The following KIAA1614 variants were observed in gnomAD, a reference collection of about 807,000 sequenced individuals.
KIAA1614 encodes KIAA1614.
Under a neutral mutation model 88.7 loss-of-function variants are expected in KIAA1614, and 76 were observed. The ratio of observed to expected loss-of-function variants is 0.86; its 90% confidence interval spans 0.71 to 1.04. KIAA1614 has a LOEUF of 1.04. KIAA1614 is among the 50% of genes least tolerant of loss of function. KIAA1614 has a pLI of 0.00. For missense variants in KIAA1614, 1,553 were observed against 1,582.5 expected, an observed-to-expected ratio of 0.98 and a Z score of 0.32; for synonymous variants, 714 against 675.5, an observed-to-expected ratio of 1.06 and a Z score of -0.88.
chr1:180,931,147 C>T lies in KIAA1614; in HGVS notation c.1205+2574C>T, dbSNP rs558072791. On this transcript the variant is annotated intron_variant, in intron 4 of 8. Transcript: ENST00000367588. ...GCATTTTTCTGGAAACAAATTAATA[C>T]AGAAATGGAGCAGCTCCTGGAAGCA... 2.0e-5 allele frequency among the ~76,000 whole-genome samples: 3 copies of T among 152,314 alleles called. No homozygotes were observed. The South Asian group carries it at 6.2e-4, about 32-fold the overall frequency.
intron 4 of KIAA1614, among the ~76,000 whole-genome samples, chr1:180,933,697 C>A (rs969815226): frequency 1.3e-5 from 2 of 152,140 alleles, no homozygotes; most frequent in Admixed American, 1.3e-4. Flanking sequence ...CGGAACTGAG[C>A]AGGACTTGAC....
rs1335680929 is a variant in KIAA1614 at position 180,950,221 on chromosome 1, G to C, written c.*4633G>C. ...TGTGCATGCGCACAGAGAAGTGCCT[G>C]GTATGAGCACCTCCTCCCTGTGCCA... On this transcript the variant is annotated 3_prime_UTR_variant, in exon 9 of 9. Transcript: ENST00000367588. 3.7e-6 allele frequency: 2 copies of C among 533,978 alleles called. No individual in the cohort carries two copies. Among genetic ancestry groups the C allele is most frequent in the African/African-American group, 2.1e-5 (1 of 47,812 alleles). The allele number at this position is 533,978 out of a possible 1,614,324, so 33.1% of individuals were successfully genotyped here. A position where few individuals can be genotyped will look rare whatever the true frequency, so the allele number is the denominator to read the frequency against.
chr1:180,948,173 C>G lies in KIAA1614; in HGVS notation c.*2585C>G, dbSNP rs938317918. 6.6e-6 allele frequency: 1 copy of G among 152,296 alleles called. No homozygotes were observed. Among genetic ancestry groups the G allele is most frequent in the African/African-American group, 2.4e-5 (1 of 41,476 alleles). The allele number at this position is 152,296 out of a possible 1,614,324, so 9.4% of individuals were successfully genotyped here. A position where few individuals can be genotyped will look rare whatever the true frequency, so the allele number is the denominator to read the frequency against. On this transcript the variant is annotated 3_prime_UTR_variant, in exon 9 of 9. Coordinates refer to ENST00000367588, the MANE Select transcript of KIAA1614 (RefSeq NM_020950.2). ...GCTGGATGGCACACAGGGGTCCCCA[C>G]GCACATGAAGCCTGGCGAGTGCTGG... is the stretch of plus-strand genomic sequence containing the variant.
At chr1:180,924,305 AG>A (rs750559251) in intron 3 of KIAA1614, among the ~76,000 whole-genome samples, 15 of 152,200 alleles carry the variant, frequency 9.9e-5, no homozygotes, top group Non-Finnish European at 1.9e-4. Flanking sequence ...CCCCCATCGG[AG>A]GGCATCTCGG....
chr1:180,936,340 C>T lies in KIAA1614; in HGVS notation c.2431C>T (p.Pro811Ser). 2.5e-6 allele frequency: 4 copies of T among 1,614,144 alleles called. No individual in the cohort carries two copies. The highest frequency in any genetic ancestry group is 2.2e-5 in the South Asian group (2 of 91,088). Residue 811 changes from proline (P) to serine (S), a missense_variant, in exon 5 of 9, where the codon CCC becomes TCC. Pro to Ser is a moderately conservative substitution (Grantham distance 74, BLOSUM62 -1). Transcript: ENST00000367588. ...TCCTGAAGGCTGGGCGCCAACCCCT[C>T]CCCCTTCGAGGAAAACCACCTCGCC... ...LCPEGWAPTP[P>S]PSRKTTSPVS...
At chr1:180,943,208 G>GTA (rs1416877988) in intron 7 of KIAA1614, among the ~76,000 whole-genome samples, 2 of 152,076 alleles carry the variant, frequency 1.3e-5, no homozygotes, top group African/African-American at 4.8e-5. Context: ...TATATTTTTA[G>GTA]TAGAGATGGG....
rs373695931 is a variant in KIAA1614, at chr1:180,935,538, C to T, written c.1629C>T (p.Ile543=). ...ERRCQACGSC[I]DDPRPAQGKA... is the part of the protein sequence containing the mutation. The stretch of plus-strand genomic sequence containing the variant: ...GGTGCCAGGCCTGCGGCAGCTGCAT[C>T]GACGACCCGCGCCCCGCCCAGGGGA... Residue 543 remains isoleucine, a synonymous_variant, in exon 5 of 9, where the codon ATC becomes ATT. Transcript: ENST00000367588. The surrounding 1 kb of genome is among the most constrained non-coding windows in gnomAD (Gnocchi z 6.1). The T allele has an allele frequency of 2.5e-6, 4 of 1,572,604 alleles. No individual in the cohort carries two copies. The highest frequency in any genetic ancestry group is 3.4e-4 in the Middle Eastern group (2 of 5,854).
At position 180,944,534 on chromosome 1, in the gene KIAA1614, G is replaced by A; in HGVS notation, c.3287+18G>A. The A allele has an allele frequency of 6.2e-7, 1 of 1,610,592 alleles. No individual in the cohort carries two copies. Among genetic ancestry groups the A allele is most frequent in the Non-Finnish European group, 8.5e-7 (1 of 1,178,108 alleles). ...GCTGGCAGGTATGAGGGGCACACAT[G>A]GTTTGGAGGATAAACTCAGAGAGTG... On this transcript the variant is annotated intron_variant, in intron 8 of 8. Transcript: ENST00000367588.
chr1:180,914,079 G>T (rs1653721750), intron 1 of KIAA1614: 1 of 151,952 alleles, frequency 6.6e-6, no homozygotes, highest in Non-Finnish European at 1.5e-5. Context: ...GTGAATACTT[G>T]GTCCGTGTTA....
At chr1:180,945,214 G>A (rs1654561963) in intron 8 of KIAA1614, 89 bp from the exon 9 acceptor site, 2 of 1,405,536 alleles carry the variant, frequency 1.4e-6, no homozygotes, top group African/African-American at 1.5e-5. Flanking sequence ...TCTTAAGTCT[G>A]TGAGGCATCG....
intron 3 of KIAA1614, chr1:180,928,229 G>A (rs971673733): frequency 3.1e-5 from 18 of 578,482 alleles, no homozygotes; most frequent in Middle Eastern, 9.0e-4. Flanking sequence ...CCAGAGCCAC[G>A]CAGGGCCATT....
At position 180,916,901 on chromosome 1, in the gene KIAA1614, C is replaced by G. The variant is rs371479908; in HGVS notation, c.798C>G (p.Val266=). 6.2e-7 allele frequency: 1 copy of G among 1,614,232 alleles called. No individual in the cohort carries two copies. Among genetic ancestry groups the G allele is most frequent in the Non-Finnish European group, 8.5e-7 (1 of 1,180,044 alleles). The change falls in exon 2 of 9, where the codon GTC becomes GTG. Residue 266 remains valine, a synonymous_variant. Transcript: ENST00000367588. ...CCCTGACCTCCGAGGAGGTCTTTGTCCCCAGGACGGCCCTGCTGGGTGAGC... is the reference window on the plus strand; with the variant it reads ...CCCTGACCTCCGAGGAGGTCTTTGTGCCCAGGACGGCCCTGCTGGGTGAGC... ...STSLTSEEVF[V]PRTALLGERW... is the part of the protein sequence containing the mutation.
rs552703886 is a variant in KIAA1614, at chr1:180,949,425, G to T, written c.*3837G>T. 12 of 152,488 alleles carry T rather than the reference G, an allele frequency of 7.9e-5. No individual in the cohort carries two copies. The highest frequency in any genetic ancestry group is 3.4e-3 in the Middle Eastern group (1 of 294). 9.4% of individuals were successfully genotyped at this position (152,488 alleles called of 1,614,324 possible). Reference sequence around the variant, plus strand: ...GGTGGGAGCAGCTGGAGGGGAATTTGAAAGGTTTCCAGCCGCGGTTGAGGC... The same window carrying T: ...GGTGGGAGCAGCTGGAGGGGAATTTTAAAGGTTTCCAGCCGCGGTTGAGGC... On this transcript the variant is annotated 3_prime_UTR_variant, in exon 9 of 9. Transcript: ENST00000367588.
chr1:180,915,141 G>A (rs1446862364), intron 1 of KIAA1614, among the ~76,000 whole-genome samples: 1 of 152,214 alleles, frequency 6.6e-6, no homozygotes, highest in African/African-American at 2.4e-5. Context: ...TTATTGGGGG[G>A]AGTGTGTTTG....
chr1:180,941,003 C>CCGGG, intron 6 of KIAA1614, 42 bp from the exon 7 acceptor site: 1 of 932,546 alleles, frequency 1.1e-6, no homozygotes, highest in Non-Finnish European at 1.5e-6. Context: ...GGCCACCCTC[C>CCGGG]CGGCCCTCCC....
chr1:180,929,384 G>A (rs1654143831), intron 4 of KIAA1614, among the ~76,000 whole-genome samples: 1 of 152,190 alleles, frequency 6.6e-6, no homozygotes, highest in Admixed American at 6.5e-5. Flanking sequence ...CAGCCGAGGG[G>A]TGAGGCCTCA....
chr1:180,943,550 C>CTTTTTTTTTT (rs60128001), intron 7 of KIAA1614, among the ~76,000 whole-genome samples: 1,404 of 98,104 alleles, frequency 0.014, 190 homozygotes, highest in African/African-American at 0.055. Flanking sequence ...GGTAGTAGAT[C>CTTTTTTTTTT]TTTTTTTTTT....
chr1:180,930,618 G>A (rs1571292932), intron 4 of KIAA1614, among the ~76,000 whole-genome samples: 1 of 152,154 alleles, frequency 6.6e-6, no homozygotes, highest in South Asian at 2.1e-4. Context: ...GGTCCTCTTG[G>A]ACACTTCTTC....
chr1:180,924,596 T>A (rs1393090018), intron 3 of KIAA1614, among the ~76,000 whole-genome samples: 1 of 152,210 alleles, frequency 6.6e-6, no homozygotes, highest in Non-Finnish European at 1.5e-5. Context: ...GGAGGGCCTA[T>A]TGACTGTCTG....
Sources: gnomAD v4.1 joint callset for allele counts (sites outside exome capture counted in the v4.1 genomes callset) on GRCh38, gnomAD v4.1.1 for gene constraint, Gnocchi (gnomAD v3.1) non-coding constraint, MANE v1.5 for transcripts, NCBI Gene and HGNC (gene_info 2026-07-23, HGNC 2026-07-21) for gene names.